Variants in PCGF5 observed in about 807,000 individuals in gnomAD.
PCGF5 encodes the protein polycomb group ring finger 5.
In PCGF5, 9 loss-of-function variants were observed where a neutral mutation model predicts 44.3. The observed-to-expected ratio is 0.20, with a 90% confidence interval of 0.12 to 0.35. The LOEUF is 0.35. PCGF5 is among the 10% of genes least tolerant of loss of function. The pLI, the probability that PCGF5 is intolerant of heterozygous loss-of-function variation, is 1.00. For synonymous variants in PCGF5, 95 were observed against 102.5 expected (o/e 0.93, Z 0.44); for missense variants, 146 against 305.3 (o/e 0.48, Z 3.89).
At chr10:91,184,422 C>T (rs1366047247) in intron 1 of PCGF5, among the ~76,000 whole-genome samples, 1 of 152,180 alleles carries the variant, frequency 6.6e-6, no homozygotes, top group Non-Finnish European at 1.5e-5. Flanking sequence ...GGTTACAGTA[C>T]TCTCTACTGG....
At chr10:91,263,036 A>C (rs1489927777) in intron 7 of PCGF5, among the ~76,000 whole-genome samples, 1 of 152,154 alleles carries the variant, frequency 6.6e-6, no homozygotes, top group Non-Finnish European at 1.5e-5. Context: ...GAAGGGGGAG[A>C]GATTCAGTAC....
chr10:91,158,786 A>G (rs1346087316), upstream of PCGF5, among the ~76,000 whole-genome samples: 1 of 152,264 alleles, frequency 6.6e-6, no homozygotes, highest in East Asian at 1.9e-4. Context: ...TTAAGCTGGT[A>G]GAGTTGACAC....
upstream of PCGF5, among the ~76,000 whole-genome samples, chr10:91,158,897 T>C (rs929926517): frequency 1.3e-5 from 2 of 152,246 alleles, no homozygotes; most frequent in Non-Finnish European, 2.9e-5. Context: ...TCAGAACTTG[T>C]AACCTAAACA....
At chr10:91,249,396 T>C (rs76499599) in intron 5 of PCGF5, among the ~76,000 whole-genome samples, 1 of 129,418 alleles carries the variant, frequency 7.7e-6, no homozygotes, top group African/African-American at 3.0e-5. Flanking sequence ...TATATATATA[T>C]ATATATATAT....
At position 91,203,936 on chromosome 10, in the gene PCGF5, G is replaced by T. The variant is rs573243136; in HGVS notation, c.-183-18753G>T. ...CATTTCTGAAATGAGCGTTATGTCA[G>T]TGTAAGCTAATTTAACACTTTTATG... On this transcript the variant is annotated intron_variant, in intron 1 of 9. Coordinates refer to the PCGF5 transcript ENST00000614189. Among the ~76,000 whole-genome samples, 4 of 152,274 alleles carry T rather than the reference G, an allele frequency of 2.6e-5. No homozygotes were observed. The South Asian group carries it at 8.3e-4, about 32-fold the overall frequency.
intron 1 of PCGF5, among the ~76,000 whole-genome samples, chr10:91,202,520 T>C (rs926741400): frequency 3.3e-5 from 5 of 152,214 alleles, no homozygotes; most frequent in Non-Finnish European, 7.3e-5. Context: ...AGCACAGTAT[T>C]TGGCACATAG....
intron 7 of PCGF5, among the ~76,000 whole-genome samples, chr10:91,263,240 G>GTATT (rs1202996548): frequency 2.0e-5 from 3 of 152,140 alleles, no homozygotes; most frequent in Non-Finnish European, 2.9e-5. Context: ...ATTAACAGAT[G>GTATT]CAATATACCT....
At chr10:91,173,994 A>G (rs1355219920) in intron 1 of PCGF5, among the ~76,000 whole-genome samples, 1 of 151,910 alleles carries the variant, frequency 6.6e-6, no homozygotes, top group Non-Finnish European at 1.5e-5. Flanking sequence ...ATCTTCTTGG[A>G]AAATGCTTGA....
intron 1 of PCGF5, among the ~76,000 whole-genome samples, chr10:91,176,563 T>G (rs1437317233): frequency 6.6e-6 from 1 of 152,208 alleles, no homozygotes; most frequent in African/African-American, 2.4e-5. Flanking sequence ...AGACATAGAT[T>G]TGGTATTTTC....
At position 91,229,804 on chromosome 10, in the gene PCGF5, G is replaced by A. The variant is rs371615550; in HGVS notation, c.112+6821G>A. Among the ~76,000 whole-genome samples the A allele has an allele frequency of 5.9e-5, 9 of 151,874 alleles. No individual in the cohort carries two copies. In the East Asian group the frequency reaches 1.7e-3, roughly 29 times the overall value. On this transcript the variant is annotated intron_variant, in intron 2 of 9. Transcript: ENST00000336126. ...TTAATAAGAATAAAAAACATGTTTT[G>A]GAATAAAAAAGGCCAAAATAGAAAT... is the stretch of plus-strand genomic sequence containing the variant.
chr10:91,229,694 C>T (rs1844947733), intron 2 of PCGF5, among the ~76,000 whole-genome samples: 2 of 151,200 alleles, frequency 1.3e-5, no homozygotes, highest in African/African-American at 4.9e-5. Context: ...GTTGTGTACC[C>T]AATACTGATC....
In PCGF5 at chr10:91,210,236, G is replaced by T. The variant is rs935780714; in HGVS notation, c.-183-12453G>T. On this transcript the variant is annotated intron_variant, in intron 1 of 9. Coordinates refer to the PCGF5 transcript ENST00000614189. ...ACCTGCTGCTTGAGATCCTTTTTCTGCCAGAGAGTGCTACAGCTCTTGTGC... is the reference window on the plus strand; with the variant it reads ...ACCTGCTGCTTGAGATCCTTTTTCTTCCAGAGAGTGCTACAGCTCTTGTGC... Among the ~76,000 whole-genome samples, 4 of 152,082 alleles carry T rather than the reference G, an allele frequency of 2.6e-5. No homozygotes were observed. The East Asian group carries it at 7.7e-4, about 29-fold the overall frequency.
At chr10:91,218,083 A>G (rs1844578834), upstream of PCGF5, among the ~76,000 whole-genome samples, 1 of 152,174 alleles carries the variant, frequency 6.6e-6, no homozygotes, top group South Asian at 2.1e-4. Flanking sequence ...CACCGTGCGC[A>G]GCCCTAATCT....
chr10:91,263,672 G>A (rs925736974), intron 7 of PCGF5, among the ~76,000 whole-genome samples: 2 of 152,188 alleles, frequency 1.3e-5, no homozygotes, highest in African/African-American at 4.8e-5. Flanking sequence ...CACAGTTCCT[G>A]TAGCCTTCTT....
intron 7 of PCGF5, among the ~76,000 whole-genome samples, chr10:91,264,113 C>G (rs1361548229): frequency 6.6e-6 from 1 of 152,068 alleles, no homozygotes; most frequent in Non-Finnish European, 1.5e-5. Context: ...AGAACTATGC[C>G]TTAAACCTCT....
intron 3 of PCGF5, among the ~76,000 whole-genome samples, chr10:91,247,053 A>C (rs547633685): frequency 4.6e-5 from 7 of 152,256 alleles, no homozygotes; most frequent in African/African-American, 1.4e-4. Flanking sequence ...GAAGCCACAA[A>C]AGCAGATGAA....
intron 1 of PCGF5, among the ~76,000 whole-genome samples, chr10:91,188,653 C>T (rs967228735): frequency 6.6e-6 from 1 of 152,132 alleles, no homozygotes; most frequent in Non-Finnish European, 1.5e-5. Context: ...TTCTCATTCA[C>T]GTTCATTTCC....
chr10:91,247,070 A>T (rs1415474619), intron 3 of PCGF5, among the ~76,000 whole-genome samples: 1 of 152,144 alleles, frequency 6.6e-6, no homozygotes, highest in Non-Finnish European at 1.5e-5. Flanking sequence ...TGAAATCCAC[A>T]AGGAAGACAG....
intron 2 of PCGF5, chr10:91,227,424 A>G (rs996968804): frequency 1.6e-6 from 2 of 1,289,524 alleles, no homozygotes; most frequent in African/African-American, 1.5e-5. Context: ...GGATGCCAGC[A>G]CTCAGTTATC....
Sources: allele counts gnomAD v4.1 joint callset (sites outside exome capture counted in the v4.1 genomes callset), GRCh38; gene constraint gnomAD v4.1.1; transcripts MANE v1.5; gene names NCBI Gene and HGNC (gene_info 2026-07-23, HGNC 2026-07-21).